The following MYO7A variants were observed in gnomAD, a reference collection of about 807,000 sequenced individuals.
MYO7A encodes unconventional myosin-VIIa.
A neutral mutation model predicts 263.8 loss-of-function variants in MYO7A; 210 were observed. The observed-to-expected ratio is 0.80, with a 90% CI of 0.71 to 0.89. The LOEUF is 0.89. MYO7A is among the 40% of genes least tolerant of loss of function. The pLI is 0.00. For missense variants in MYO7A, 2,820 were observed against 2,968.3 expected (o/e 0.95, Z 1.16); for synonymous variants, 1,239 against 1,197.3 (o/e 1.03, Z -0.72).
chr11:77,165,693 C>T (rs1047325760), intron 14 of MYO7A, among the ~76,000 whole-genome samples: 1 of 152,290 alleles, frequency 6.6e-6, no homozygotes, highest in African/African-American at 2.4e-5. Context: ...ACCAGATCAA[C>T]ATGCATTCTC....
intron 22 of MYO7A, among the ~76,000 whole-genome samples, chr11:77,181,054 A>G (rs1180049666): frequency 6.6e-6 from 1 of 152,218 alleles, no homozygotes; most frequent in African/African-American, 2.4e-5. Context: ...GGTGGCTCAC[A>G]TTGTATTCCT....
intron 29 of MYO7A, 64 bp from the exon 30 acceptor site, chr11:77,190,633 A>C (rs1955990249): frequency 6.6e-7 from 1 of 1,515,814 alleles, no homozygotes. Context: ...AGAGAGCCAA[A>C]GTCCAGAGGG....
chr11:77,210,380 T>C (rs1350490380), intron 44 of MYO7A, among the ~76,000 whole-genome samples: 1 of 151,924 alleles, frequency 6.6e-6, no homozygotes, highest in African/African-American at 2.4e-5. Flanking sequence ...GGTAAGTGAA[T>C]TGGTGAGTTA....
At chr11:77,161,351 G>C (rs898942280) in intron 12 of MYO7A, among the ~76,000 whole-genome samples, 1 of 152,068 alleles carries the variant, frequency 6.6e-6, no homozygotes, top group Admixed American at 6.5e-5. Context: ...TGAACACTTG[G>C]GGAGGAAACC....
In MYO7A at chr11:77,204,116, A is replaced by G; in HGVS notation, c.5367A>G (p.Thr1789=). Residue 1789 remains threonine (T), a synonymous_variant, in exon 39 of 49, where the codon ACA becomes ACG. Coordinates refer to ENST00000409709, the MANE Select transcript of MYO7A (RefSeq NM_000260.4). Reference sequence around the variant, plus strand: ...TGGGCGACTACCCGTCCAAGAGGACACGCTCCGTCAACGAGCTCACCGACC... The same window carrying G: ...TGGGCGACTACCCGTCCAAGAGGACGCGCTCCGTCAACGAGCTCACCGACC... ...KYMGDYPSKR[T]RSVNELTDQI... 1 of 1,600,942 alleles carries G rather than the reference A, an allele frequency of 6.2e-7. No individual in the cohort carries two copies.
intron 31 of MYO7A, among the ~76,000 whole-genome samples, chr11:77,193,387 G>A (rs546392268): frequency 3.3e-4 from 50 of 151,584 alleles, no homozygotes; most frequent in African/African-American, 1.1e-3. Context: ...TGGTAATGAT[G>A]GTGATGGTGG....
chr11:77,165,517 T>C (rs1030232755), intron 14 of MYO7A, among the ~76,000 whole-genome samples: 2 of 152,334 alleles, frequency 1.3e-5, no homozygotes, highest in East Asian at 3.9e-4. Flanking sequence ...TGTGTGACAT[T>C]AGACAACTCA....
rs1424529760 is a variant in MYO7A at position 77,208,506 on chromosome 11, C to T, written c.5933C>T (p.Pro1978Leu). ...HLTDWIKKAR[P>L]IKDGIVPSLT... Reference sequence around the variant, plus strand: ...ACAGACTGGATAAAGAAAGCTCGGCCCATCAAGGACGGTAATGAGGCCGGG... The same window carrying T: ...ACAGACTGGATAAAGAAAGCTCGGCTCATCAAGGACGGTAATGAGGCCGGG... The change falls in exon 43 of 49, where the codon CCC becomes CTC. Residue 1978 changes from proline (P) to leucine (L), a missense_variant. Coordinates refer to ENST00000409709, the MANE Select transcript of MYO7A (RefSeq NM_000260.4). 6.2e-7 allele frequency: 1 copy of T among 1,613,036 alleles called. No individual in the cohort carries two copies. Among genetic ancestry groups the T allele is most frequent in the South Asian group, 1.1e-5 (1 of 90,848 alleles).
chr11:77,149,406 A>G (rs1951814887), intron 4 of MYO7A, among the ~76,000 whole-genome samples: 1 of 152,124 alleles, frequency 6.6e-6, no homozygotes, highest in African/African-American at 2.4e-5. Context: ...TAGAGATGGC[A>G]TTCAGGAGGG....
At chr11:77,137,122 G>A (rs1208670486) in intron 2 of MYO7A, among the ~76,000 whole-genome samples, 1 of 152,202 alleles carries the variant, frequency 6.6e-6, no homozygotes, top group East Asian at 1.9e-4. Context: ...AGAGATAGGT[G>A]TGCCTGTTTT....
At chr11:77,178,906 A>G (rs1400043330) in intron 19 of MYO7A, 139 bp from the exon 20 acceptor site, 10 of 654,708 alleles carry the variant, frequency 1.5e-5, no homozygotes, top group Non-Finnish European at 2.7e-5. Context: ...GCTGAGGCAC[A>G]GAAGTTATGT....
At chr11:77,175,529 G>A (rs782627943) in intron 18 of MYO7A, 65 bp downstream of exon 18, 5 of 1,470,808 alleles carry the variant, frequency 3.4e-6, no homozygotes, top group East Asian at 4.5e-5. Context: ...TGTGGGCTGG[G>A]GTGCTCGGGA....
At chr11:77,146,837 T>G (rs562435119) in intron 3 of MYO7A, among the ~76,000 whole-genome samples, 1 of 152,044 alleles carries the variant, frequency 6.6e-6, no homozygotes, top group Admixed American at 6.5e-5. Context: ...GAGTCTGGGA[T>G]TTTGCAAAGG....
intron 31 of MYO7A, among the ~76,000 whole-genome samples, chr11:77,193,031 T>TAGTGATGC (rs1956281891): frequency 3.3e-5 from 3 of 91,174 alleles, no homozygotes; most frequent in Non-Finnish European, 5.7e-5. Flanking sequence ...AGCGATGGTG[T>TAGTGATGC]TGTTGGTGAT....
chr11:77,182,666 C>A, intron 25 of MYO7A, 66 bp downstream of exon 25: 2 of 1,540,660 alleles, frequency 1.3e-6, no homozygotes, highest in South Asian at 1.1e-5. Context: ...CTGGCATCAC[C>A]AGCCTTGGGC....
At chr11:77,184,977 T>C (rs546010490) in intron 27 of MYO7A, 3 of 674,774 alleles carry the variant, frequency 4.4e-6, no homozygotes, top group Non-Finnish European at 8.0e-6. Context: ...AATATCACAA[T>C]AAAGAGAGCT....
chr11:77,183,126 C>T lies in MYO7A; in HGVS notation c.3344C>T (p.Thr1115Ile), dbSNP rs372323530. Residue 1115 changes from threonine (T) to isoleucine (I), a missense_variant, in exon 26 of 49, where the codon ACT becomes ATT. Physicochemically the swap from Thr to Ile is moderately conservative, Grantham distance 89 (BLOSUM62 -1). Transcript: ENST00000409709. ...GTGAGGCACAAGCTGGTGCATTTGA[C>T]TCTGAAAAAGAAGTCCAAGCTCACA... ...SSVRHKLVHL[T>I]LKKKSKLTEE... 1 of 1,552,466 alleles carries T rather than the reference C, an allele frequency of 6.4e-7. No individual in the cohort carries two copies. The highest frequency in any genetic ancestry group is 1.4e-5 in the African/African-American group (1 of 73,230).
In MYO7A at chr11:77,202,531, C is replaced by T. The variant is rs571510802; in HGVS notation, c.5168+107C>T. The T allele has an allele frequency of 6.8e-4, 973 of 1,430,524 alleles. 3 individuals are homozygous for T. Among genetic ancestry groups the T allele is most frequent in the Middle Eastern group, 2.5e-3 (10 of 4,070 alleles). The allele number at this position is 1,430,524 out of a possible 1,614,324, so 88.6% of individuals were successfully genotyped here. On this transcript the variant is annotated intron_variant, in intron 37 of 48. Transcript: ENST00000409709. ...GCTTTGTGAAGCCCCCACCTGTGAG[C>T]AGGGCCTGGGTCAGAGGGAGCTGGA...
intron 35 of MYO7A, among the ~76,000 whole-genome samples, chr11:77,200,129 G>T (rs1352094849): frequency 6.6e-6 from 1 of 152,082 alleles, no homozygotes; most frequent in African/African-American, 2.4e-5. Flanking sequence ...AAATTAGCTG[G>T]GTGTGGTGGC....
Sources: gnomAD v4.1 joint callset for allele counts (sites outside exome capture counted in the v4.1 genomes callset) on GRCh38, gnomAD v4.1.1 for gene constraint, MANE v1.5 for transcripts, NCBI Gene and HGNC (gene_info 2026-07-23, HGNC 2026-07-21) for gene names.